DDX42: variants seen among roughly 807,000 people sequenced by gnomAD.
The protein encoded by DDX42 is DEAD-box helicase 42.
DDX42 carries 22 observed loss-of-function variants against 101.5 expected under a neutral mutation model. The observed-to-expected ratio is 0.22, with a 90% CI of 0.15 to 0.31. The LOEUF is 0.31. Ranked by LOEUF, DDX42 falls within the 10% of genes least tolerant of loss-of-function variation. DDX42 has a pLI of 1.00. For missense variants in DDX42, 849 were observed against 1,199.9 expected (o/e 0.71, Z 4.32); for synonymous variants, 402 against 401.2 (o/e 1.00, Z -0.02).
intron 3 of DDX42, among the ~76,000 whole-genome samples, chr17:63,794,814 T>A (rs1598330684): frequency 1.3e-5 from 2 of 151,570 alleles, no homozygotes; most frequent in Middle Eastern, 6.8e-3. Context: ...TGCATGCCTG[T>A]AATTCCTGCT....
At chr17:63,801,117 T>C (rs973776677) in intron 6 of DDX42, among the ~76,000 whole-genome samples, 3 of 152,060 alleles carry the variant, frequency 2.0e-5, no homozygotes, top group Non-Finnish European at 1.5e-5. Flanking sequence ...TGGCACAGTC[T>C]TGGCTCTCTG....
chr17:63,789,069 A>C (rs1476112770), intron 2 of DDX42, among the ~76,000 whole-genome samples: 1 of 151,172 alleles, frequency 6.6e-6, no homozygotes, highest in Non-Finnish European at 1.5e-5. Flanking sequence ...TACCCTGCTA[A>C]TTTTTTATTC....
intron 1 of DDX42, among the ~76,000 whole-genome samples, 160 bp from the exon 2 acceptor site, chr17:63,786,874 C>T (rs533358766): frequency 5.7e-4 from 87 of 152,194 alleles, no homozygotes; most frequent in Non-Finnish European, 1.0e-3. Flanking sequence ...GAAGGGTTTT[C>T]ACCATATTGG....
In DDX42 at chr17:63,792,644, A is replaced by G. The variant is rs116712787; in HGVS notation, c.372+82A>G. Reference sequence around the variant, plus strand: ...CTTAGTACTTCAAATCTTATTCAAAATTTGTTTTCTAGTCTTATTATTTTT... The same window carrying G: ...CTTAGTACTTCAAATCTTATTCAAAGTTTGTTTTCTAGTCTTATTATTTTT... On this transcript the variant is annotated intron_variant, in intron 3 of 17. Coordinates refer to ENST00000389924, the MANE Select transcript of DDX42 (RefSeq NM_203499.3). 2,642 of 1,426,292 alleles carry G rather than the reference A, an allele frequency of 1.9e-3. 37 individuals carry two copies. The African/African-American group carries it at 0.03, about 16-fold the overall frequency. 88.4% of individuals were successfully genotyped at this position (1,426,292 alleles called of 1,614,324 possible).
chr17:63,800,995 C>CCTTT (rs138406829), intron 6 of DDX42, among the ~76,000 whole-genome samples: 103,487 of 147,492 alleles, frequency 0.7, 37,672 homozygotes, highest in African/African-American at 0.92. Context: ...CTTTCTCTTT[C>CCTTT]CTTTTTTTCC....
chr17:63,817,230 C>A, intron 17 of DDX42: 3 of 425,164 alleles, frequency 7.1e-6, no homozygotes, highest in East Asian at 8.6e-5. Context: ...TGTTCCCTCC[C>A]TTCCCAACAG....
At chr17:63,781,307 T>A (rs1299538386) in intron 1 of DDX42, among the ~76,000 whole-genome samples, 1 of 152,126 alleles carries the variant, frequency 6.6e-6, no homozygotes, top group Non-Finnish European at 1.5e-5. Flanking sequence ...AAGCTCTACC[T>A]CCCAGGTTCA....
intron 17 of DDX42, 149 bp from the exon 18 acceptor site, chr17:63,817,545 A>AGG: frequency 1.4e-6 from 1 of 706,794 alleles, no homozygotes; most frequent in Admixed American, 2.9e-5. Flanking sequence ...CAAGAACAAA[A>AGG]GGGACCATAC....
chr17:63,817,065 T>C (rs2039985510), intron 17 of DDX42, 99 bp downstream of exon 17: 5 of 942,858 alleles, frequency 5.3e-6, no homozygotes, highest in Non-Finnish European at 8.1e-6. Flanking sequence ...CGCCTAGGCT[T>C]GATGCTAGAT....
intron 6 of DDX42, among the ~76,000 whole-genome samples, chr17:63,802,910 C>CA (rs60325980): frequency 0.68 from 97,286 of 142,454 alleles, 33,270 homozygotes; most frequent in African/African-American, 0.84. Context: ...CACTCCATCT[C>CA]AAAAAAAAAA....
intron 15 of DDX42, 105 bp from the exon 16 acceptor site, chr17:63,815,458 T>C (rs1432385687): frequency 1.3e-6 from 1 of 771,276 alleles, no homozygotes; most frequent in Non-Finnish European, 2.1e-6. Context: ...GGCTGAAAAT[T>C]AAGCAAAAGT....
chr17:63,818,692 A>T lies in DDX42; in HGVS notation c.*294A>T. On this transcript the variant is annotated 3_prime_UTR_variant, in exon 18 of 18. Transcript: ENST00000389924. ...GATAAAGGGTCTTCTAGGGCACAAA[A>T]CTCACTCTAGGTTTATATTGTATGT... is the stretch of plus-strand genomic sequence containing the variant. 3.0e-6 allele frequency: 1 copy of T among 328,658 alleles called. No homozygotes were observed. The highest frequency in any genetic ancestry group is 5.1e-5 in the South Asian group (1 of 19,666). The allele number at this position is 328,658 out of a possible 1,614,324, so 20.4% of individuals were successfully genotyped here.
intron 15 of DDX42, among the ~76,000 whole-genome samples, chr17:63,814,373 G>T (rs939813851): frequency 2.0e-5 from 3 of 152,204 alleles, no homozygotes; most frequent in Non-Finnish European, 4.4e-5. Flanking sequence ...TCACACAACT[G>T]GTACAACCCA....
chr17:63,806,898 C>T (rs2039848134), intron 8 of DDX42, among the ~76,000 whole-genome samples: 1 of 152,084 alleles, frequency 6.6e-6, no homozygotes, highest in South Asian at 2.1e-4. Flanking sequence ...CAAAAAGGTT[C>T]GTATATAGAC....
At chr17:63,794,973 G>C (rs1258132796) in intron 3 of DDX42, among the ~76,000 whole-genome samples, 1 of 150,696 alleles carries the variant, frequency 6.6e-6, no homozygotes, top group Non-Finnish European at 1.5e-5. Flanking sequence ...CACTTAATTA[G>C]TTATGAAATA....
At chr17:63,813,888 G>T (rs1467947456) in intron 15 of DDX42, among the ~76,000 whole-genome samples, 1 of 151,790 alleles carries the variant, frequency 6.6e-6, no homozygotes, top group Non-Finnish European at 1.5e-5. Flanking sequence ...CGCCCAGGCT[G>T]CAGTGCAATG....
chr17:63,801,002 T>G (rs909359090), intron 6 of DDX42, among the ~76,000 whole-genome samples: 1 of 151,456 alleles, frequency 6.6e-6, no homozygotes, highest in Admixed American at 6.6e-5. Context: ...TTTCCTTTTT[T>G]TCCTCTCTTT....
At chr17:63,804,492 A>G (rs1256172251) in intron 6 of DDX42, among the ~76,000 whole-genome samples, 1 of 152,212 alleles carries the variant, frequency 6.6e-6, no homozygotes, top group Non-Finnish European at 1.5e-5. Flanking sequence ...AAGCAGAGCT[A>G]TCTCCAAAAT....
At position 63,818,345 on chromosome 17, in the gene DDX42, G is replaced by A; in HGVS notation, c.2764G>A (p.Gly922Ser). ...CAGCAAGACAGATAAGACAGCTGACGGCTTTGCTGTCCCAGAGCCGCCTAA... is the reference window on the plus strand; with the variant it reads ...CAGCAAGACAGATAAGACAGCTGACAGCTTTGCTGTCCCAGAGCCGCCTAA... ...VDSKTDKTAD[G>S]FAVPEPPKRK... The change falls in exon 18 of 18, where the codon GGC becomes AGC. Residue 922 changes from glycine (G) to serine (S), a missense_variant. By Grantham distance (56) the Gly-to-Ser change is moderately conservative (BLOSUM62 0). Coordinates refer to ENST00000389924, the MANE Select transcript of DDX42 (RefSeq NM_203499.3). The A allele has an allele frequency of 1.9e-6, 3 of 1,614,062 alleles. No individual in the cohort carries two copies. The highest frequency in any genetic ancestry group is 1.3e-5 in the African/African-American group (1 of 75,050).
Sources: allele counts gnomAD v4.1 joint callset (sites outside exome capture counted in the v4.1 genomes callset), GRCh38; gene constraint gnomAD v4.1.1; transcripts MANE v1.5; gene names NCBI Gene and HGNC (gene_info 2026-07-23, HGNC 2026-07-21).